The following FGF12 variants were observed in gnomAD, a reference collection of about 807,000 sequenced individuals.
The protein encoded by FGF12 is fibroblast growth factor 12B.
Under a neutral mutation model 23.6 loss-of-function variants are expected in FGF12, and 14 were observed. The observed-to-expected ratio is 0.59, with a 90% CI of 0.39 to 0.93. The LOEUF is 0.93. Among genes scored for constraint, FGF12 ranks in the 40% least tolerant of loss-of-function variants. The pLI, the probability that FGF12 is intolerant of heterozygous loss-of-function variation, is 0.00. For synonymous variants in FGF12, 62 were observed against 77.3 expected (o/e 0.80, Z 1.04); for missense variants, 175 against 217.8 (o/e 0.80, Z 1.24).
At chr3:192,312,932 C>A (rs547666648) in intron 4 of FGF12, among the ~76,000 whole-genome samples, 1 of 152,138 alleles carries the variant, frequency 6.6e-6, no homozygotes, top group East Asian at 1.9e-4. Context: ...TAAAAATATT[C>A]AAAATTGAAT....
At chr3:192,335,570 A>G (rs1166611606) in intron 3 of FGF12, 106 bp from the exon 4 acceptor site, 1 of 706,120 alleles carries the variant, frequency 1.4e-6, no homozygotes, top group East Asian at 2.7e-5. Context: ...TGAACTTGGT[A>G]GAAAAATGGA....
intron 2 of FGF12, among the ~76,000 whole-genome samples, chr3:192,562,502 G>A (rs1712085969): frequency 6.6e-6 from 1 of 151,870 alleles, no homozygotes; most frequent in Non-Finnish European, 1.5e-5. Context: ...AAATTTGATT[G>A]AAATAAAAAA....
At chr3:192,267,363 T>C (rs141869056) in intron 4 of FGF12, among the ~76,000 whole-genome samples, 111 of 152,284 alleles carry the variant, frequency 7.3e-4, no homozygotes, top group African/African-American at 2.6e-3. Flanking sequence ...CCGTCTAAAA[T>C]TCCCATGCAT....
rs146368015 is a variant in FGF12 at position 192,416,305 on chromosome 3, T to C, written c.14-55767A>G. On this transcript the variant is annotated intron_variant, in intron 2 of 5. Coordinates refer to ENST00000445105, the MANE Select transcript of FGF12 (RefSeq NM_004113.6). ...TAGGACATTTCTTGTCCTAATTTTGTAGAATTCTCTAAGAGTAAAATGTTA... is the reference window on the plus strand; with the variant it reads ...TAGGACATTTCTTGTCCTAATTTTGCAGAATTCTCTAAGAGTAAAATGTTA... Among the ~76,000 whole-genome samples the C allele has an allele frequency of 1.4e-3, 208 of 152,258 alleles. 1 individual carries two copies. Among genetic ancestry groups the C allele is most frequent in the African/African-American group, 5.0e-3 (206 of 41,568 alleles).
At chr3:192,278,186 T>A (rs1713920631) in intron 4 of FGF12, among the ~76,000 whole-genome samples, 1 of 152,242 alleles carries the variant, frequency 6.6e-6, no homozygotes, top group African/African-American at 2.4e-5. Flanking sequence ...AGGATTTTTT[T>A]AAATGACAAA....
At chr3:192,592,248 AT>A (rs1459976468) in intron 2 of FGF12, among the ~76,000 whole-genome samples, 2 of 151,902 alleles carry the variant, frequency 1.3e-5, no homozygotes, top group Non-Finnish European at 2.9e-5. Context: ...CTCTGTTGGG[AT>A]AAACCCTCCT....
intron 2 of FGF12, among the ~76,000 whole-genome samples, chr3:192,513,641 G>A (rs1008524369): frequency 6.6e-6 from 1 of 152,186 alleles, no homozygotes; most frequent in Non-Finnish European, 1.5e-5. Flanking sequence ...AACATATGGA[G>A]TTTTAAACAC....
intron 2 of FGF12, among the ~76,000 whole-genome samples, chr3:192,553,908 A>G (rs1326281311): frequency 6.6e-6 from 1 of 152,238 alleles, no homozygotes; most frequent in Non-Finnish European, 1.5e-5. Context: ...GTTTAGACTA[A>G]CAAACACTCG....
intron 5 of FGF12, among the ~76,000 whole-genome samples, chr3:192,159,803 G>T (rs1208225629): frequency 5.9e-5 from 9 of 152,156 alleles, no homozygotes; most frequent in African/African-American, 1.2e-4. Context: ...TATAGATGTT[G>T]CTACATATCC....
chr3:192,605,208 C>T (rs1714287155), intron 2 of FGF12, among the ~76,000 whole-genome samples: 1 of 151,982 alleles, frequency 6.6e-6, no homozygotes, highest in Non-Finnish European at 1.5e-5. Flanking sequence ...GAAACCCTGT[C>T]TCTACTAAAA....
chr3:192,292,759 T>C (rs1008951508), intron 4 of FGF12, among the ~76,000 whole-genome samples: 2 of 152,140 alleles, frequency 1.3e-5, no homozygotes, highest in Non-Finnish European at 2.9e-5. Flanking sequence ...AACATACCAG[T>C]TGAACAAGGG....
intron 3 of FGF12, among the ~76,000 whole-genome samples, chr3:192,342,929 A>T (rs1717763135): frequency 6.6e-6 from 1 of 152,172 alleles, no homozygotes; most frequent in South Asian, 2.1e-4. Context: ...TCAATCCAAA[A>T]CACATAGGAA....
At chr3:192,717,665 T>C (rs1577139243) in intron 2 of FGF12, among the ~76,000 whole-genome samples, 2 of 152,222 alleles carry the variant, frequency 1.3e-5, no homozygotes, top group Admixed American at 1.3e-4. Context: ...ACTCCACTTA[T>C]AATTCAATCG....
chr3:192,278,057 A>G (rs559961286), intron 4 of FGF12, among the ~76,000 whole-genome samples: 2 of 152,258 alleles, frequency 1.3e-5, no homozygotes, highest in South Asian at 4.1e-4. Context: ...CACCGCGCCC[A>G]GCCACATTTC....
intron 2 of FGF12, among the ~76,000 whole-genome samples, chr3:192,576,569 G>A (rs1331389794): frequency 6.6e-6 from 1 of 152,088 alleles, no homozygotes; most frequent in African/African-American, 2.4e-5. Context: ...GCATGCTATG[G>A]CCTCTCCTTA....
chr3:192,249,805 A>G (rs904045694), intron 4 of FGF12, among the ~76,000 whole-genome samples: 1 of 152,188 alleles, frequency 6.6e-6, no homozygotes, highest in Non-Finnish European at 1.5e-5. Flanking sequence ...TTGTCTGAAC[A>G]ATGAGGCAAT....
At chr3:192,512,859 T>TATATAA (rs376386122) in intron 2 of FGF12, among the ~76,000 whole-genome samples, 2,582 of 57,444 alleles carry the variant, frequency 0.045, 270 homozygotes, top group Middle Eastern at 0.22. Flanking sequence ...TATATATATA[T>TATATAA]AACAGGCTAT....
At chr3:192,516,053 C>G (rs377040475) in intron 2 of FGF12, among the ~76,000 whole-genome samples, 4 of 152,132 alleles carry the variant, frequency 2.6e-5, no homozygotes, top group African/African-American at 9.7e-5. Context: ...TGACCTTGAA[C>G]AAATTACTTA....
At chr3:192,337,414 G>T (rs148309385) in intron 3 of FGF12, among the ~76,000 whole-genome samples, 3 of 152,242 alleles carry the variant, frequency 2.0e-5, no homozygotes, top group African/African-American at 4.8e-5. Context: ...GGGACTGGCA[G>T]ATTGGTGGAT....
Sources: gnomAD v4.1 joint callset for allele counts (sites outside exome capture counted in the v4.1 genomes callset) on GRCh38, gnomAD v4.1.1 for gene constraint, MANE v1.5 for transcripts, NCBI Gene and HGNC (gene_info 2026-07-23, HGNC 2026-07-21) for gene names.